Variants in PTPRG observed in about 807,000 individuals in gnomAD.
PTPRG encodes the protein protein tyrosine phosphatase receptor type G.
PTPRG carries 102 observed loss-of-function variants against 165.3 expected under a neutral mutation model. That is an observed-to-expected ratio of 0.62 (90% CI 0.53 to 0.73). The LOEUF (loss-of-function observed/expected upper bound fraction) is 0.73, where lower values mean the gene tolerates loss of function less well. Ranked by LOEUF, PTPRG falls within the 30% of genes least tolerant of loss-of-function variation. PTPRG has a pLI of 0.00. For synonymous variants in PTPRG, 675 were observed against 669.5 expected (o/e 1.01, Z -0.13); for missense variants, 1,866 against 1,861.4 (o/e 1.00, Z -0.05).
At chr3:62,042,212 G>C (rs1030280209) in intron 4 of PTPRG, among the ~76,000 whole-genome samples, 6 of 152,120 alleles carry the variant, frequency 3.9e-5, no homozygotes, top group African/African-American at 1.2e-4. Context: ...ACCAGTTATG[G>C]AGTCAGAGAT....
In PTPRG at chr3:61,862,362, A is replaced by T. The variant is rs941175274; in HGVS notation, c.190+113380A>T. On this transcript the variant is annotated intron_variant, in intron 2 of 29. Transcript: ENST00000474889. ...TAACTAGTATTAAAGATTATTTCTA[A>T]TGTAGGTATTACTCAGACTTTTTTT... Among the ~76,000 whole-genome samples the T allele has an allele frequency of 1.4e-3, 216 of 151,016 alleles. 2 individuals carry two copies. The highest frequency in any genetic ancestry group is 3.4e-3 in the Middle Eastern group (1 of 290).
At chr3:62,024,964 T>C (rs1233824449) in intron 4 of PTPRG, among the ~76,000 whole-genome samples, 1 of 152,212 alleles carries the variant, frequency 6.6e-6, no homozygotes, top group Non-Finnish European at 1.5e-5. Flanking sequence ...GCCTCTGTTG[T>C]GTCGACCTAA....
chr3:61,995,409 G>A (rs2041007223), intron 3 of PTPRG, among the ~76,000 whole-genome samples: 2 of 152,050 alleles, frequency 1.3e-5, no homozygotes, highest in South Asian at 2.1e-4. Flanking sequence ...GTTTTCAATA[G>A]CAATCTTCAT....
chr3:61,743,031 G>T (rs1575625723), intron 1 of PTPRG: 29 of 1,592,950 alleles, frequency 1.8e-5, no homozygotes, highest in Non-Finnish European at 2.4e-5. Flanking sequence ...CCAGGAACTT[G>T]CGGCGCTTGC....
chr3:61,764,538 G>C (rs1575645113), intron 2 of PTPRG, among the ~76,000 whole-genome samples: 1 of 152,036 alleles, frequency 6.6e-6, no homozygotes, highest in East Asian at 1.9e-4. Context: ...TGCCTAGAGA[G>C]GGATTTAGGG....
intron 1 of PTPRG, among the ~76,000 whole-genome samples, chr3:61,716,682 A>G: frequency 6.6e-6 from 1 of 152,188 alleles, no homozygotes; most frequent in South Asian, 2.1e-4. Flanking sequence ...TTTTTAAATA[A>G]AAACTCCCAG....
At chr3:61,943,085 C>A (rs2039673644) in intron 2 of PTPRG, among the ~76,000 whole-genome samples, 1 of 152,122 alleles carries the variant, frequency 6.6e-6, no homozygotes, top group Non-Finnish European at 1.5e-5. Context: ...GTGTATAAGT[C>A]TTTGTGTTTT....
chr3:61,910,689 T>A (rs1180235317), intron 2 of PTPRG, among the ~76,000 whole-genome samples: 1 of 152,164 alleles, frequency 6.6e-6, no homozygotes, highest in Non-Finnish European at 1.5e-5. Flanking sequence ...TCCTAGAATT[T>A]CTTTTTGTCT....
chr3:61,633,961 C>A (rs1250402304), intron 1 of PTPRG, among the ~76,000 whole-genome samples: 2 of 151,832 alleles, frequency 1.3e-5, no homozygotes, highest in Non-Finnish European at 2.9e-5. Flanking sequence ...GTCACCCAGG[C>A]TGGAGTGCAG....
At chr3:61,790,000 A>G (rs957725074) in intron 2 of PTPRG, among the ~76,000 whole-genome samples, 2 of 152,156 alleles carry the variant, frequency 1.3e-5, no homozygotes, top group Admixed American at 1.3e-4. Context: ...TCCTGGTACC[A>G]TCAGGGTCGG....
intron 1 of PTPRG, among the ~76,000 whole-genome samples, chr3:61,680,678 G>A (rs1212981750): frequency 6.6e-6 from 1 of 151,628 alleles, no homozygotes; most frequent in Non-Finnish European, 1.5e-5. Context: ...CCAGCCTCTG[G>A]TATAGGCTTT....
At chr3:62,159,672 A>G (rs1166928201) in intron 7 of PTPRG, among the ~76,000 whole-genome samples, 1 of 152,210 alleles carries the variant, frequency 6.6e-6, no homozygotes, top group Non-Finnish European at 1.5e-5. Context: ...TTGCCTTCCA[A>G]TATATAACTT....
At chr3:62,099,119 C>T (rs1436612063) in intron 5 of PTPRG, among the ~76,000 whole-genome samples, 1 of 152,166 alleles carries the variant, frequency 6.6e-6, no homozygotes, top group East Asian at 1.9e-4. Context: ...GGAATTTTCA[C>T]CACTGGCACT....
intron 2 of PTPRG, among the ~76,000 whole-genome samples, chr3:61,983,563 T>C (rs943529613): frequency 2.0e-5 from 3 of 152,126 alleles, no homozygotes; most frequent in African/African-American, 7.2e-5. Flanking sequence ...ATAGGAACCA[T>C]TATTTGGATC....
At chr3:61,961,156 G>A (rs1215456473) in intron 2 of PTPRG, among the ~76,000 whole-genome samples, 1 of 152,124 alleles carries the variant, frequency 6.6e-6, no homozygotes, top group African/African-American at 2.4e-5. Flanking sequence ...CTTCAGAAGT[G>A]ACACTGATGT....
At chr3:61,655,910 A>G (rs908800674) in intron 1 of PTPRG, among the ~76,000 whole-genome samples, 9 of 152,086 alleles carry the variant, frequency 5.9e-5, no homozygotes, top group Non-Finnish European at 8.8e-5. Flanking sequence ...TTAAGTGTAG[A>G]TGTAATTTAC....
Position 61,984,318 on chromosome 3 carries a change from T to C in PTPRG, c.191-5307T>C, listed in dbSNP as rs73839623. ...TGAATTTCTCCAACTTTATATAAGG[T>C]TTTTATATAAGCTTAAATAATATCA... On this transcript the variant is annotated intron_variant, in intron 2 of 29. Transcript: ENST00000474889. Among the ~76,000 whole-genome samples the C allele has an allele frequency of 3.6e-3, 545 of 152,298 alleles. 2 individuals carry two copies. The highest frequency in any genetic ancestry group is 0.013 in the African/African-American group (524 of 41,558).
In PTPRG at chr3:62,036,666, G is replaced by A. The variant is rs553422643; in HGVS notation, c.519+33169G>A. The stretch of plus-strand genomic sequence containing the variant: ...ACTTAGATATGCAACTTCTTGGGAA[G>A]GAAAAAGACAAAAATGTCCCTAGTG... On this transcript the variant is annotated intron_variant, in intron 4 of 29. Coordinates refer to ENST00000474889, the MANE Select transcript of PTPRG (RefSeq NM_002841.4). Among the ~76,000 whole-genome samples, 272 of 152,178 alleles carry A rather than the reference G, an allele frequency of 1.8e-3. 3 individuals are homozygous for A. The Middle Eastern group carries it at 0.024, about 13-fold the overall frequency.
chr3:62,095,730 A>G (rs372533040), intron 5 of PTPRG, among the ~76,000 whole-genome samples: 1 of 152,152 alleles, frequency 6.6e-6, no homozygotes, highest in Non-Finnish European at 1.5e-5. Context: ...CTTTGAGAGC[A>G]TGTGATGAGG....
Sources: allele counts gnomAD v4.1 joint callset (sites outside exome capture counted in the v4.1 genomes callset), GRCh38; gene constraint gnomAD v4.1.1; transcripts MANE v1.5; gene names NCBI Gene and HGNC (gene_info 2026-07-23, HGNC 2026-07-21).